The following FMN2 variants were observed in gnomAD, a reference collection of about 807,000 sequenced individuals.
The protein encoded by FMN2 is formin 2, also known as formin-2.
Under a neutral mutation model 142.3 loss-of-function variants are expected in FMN2, and 51 were observed. That is an observed-to-expected ratio of 0.36 (90% CI 0.29 to 0.45). The LOEUF (loss-of-function observed/expected upper bound fraction) is 0.45. FMN2 is among the 20% of genes least tolerant of loss of function. FMN2 has a pLI of 1.00. For synonymous variants in FMN2, 882 were observed against 869.8 expected, an observed-to-expected ratio of 1.01 and a Z score of -0.25; for missense variants, 1,936 against 2,122.8, an observed-to-expected ratio of 0.91 and a Z score of 1.73.
chr1:240,340,224 G>A lies in FMN2; in HGVS notation c.4765+5995G>A, dbSNP rs568964128. The stretch of plus-strand genomic sequence containing the variant: ...AAATAATTACTGTGCTATCATTGTT[G>A]CATCTTATATTCCTCCCCCCTCCAC... On this transcript the variant is annotated intron_variant, in intron 13 of 17. Coordinates refer to ENST00000319653, the MANE Select transcript of FMN2 (RefSeq NM_020066.5). 5.3e-5 allele frequency among the ~76,000 whole-genome samples: 8 copies of A among 152,084 alleles called. No homozygotes were observed. The East Asian group carries it at 1.4e-3, about 26-fold the overall frequency.
chr1:240,418,873 G>A (rs550616888), intron 15 of FMN2, among the ~76,000 whole-genome samples: 3 of 152,252 alleles, frequency 2.0e-5, no homozygotes, highest in Admixed American at 6.5e-5. Flanking sequence ...TTGGGAGGCC[G>A]AGGCAGGTGG....
At chr1:240,128,431 A>G (rs1662598604) in intron 2 of FMN2, among the ~76,000 whole-genome samples, 1 of 152,136 alleles carries the variant, frequency 6.6e-6, no homozygotes, top group African/African-American at 2.4e-5. Flanking sequence ...ACTTGACCCA[A>G]CCATTTTTGC....
At chr1:240,217,711 A>G (rs1666956502) in intron 6 of FMN2, among the ~76,000 whole-genome samples, 1 of 152,048 alleles carries the variant, frequency 6.6e-6, no homozygotes, top group Admixed American at 6.6e-5. Flanking sequence ...AGCATACCCA[A>G]TCAATTCAAG....
At chr1:240,219,814 C>T (rs575600976) in intron 6 of FMN2, among the ~76,000 whole-genome samples, 1 of 151,954 alleles carries the variant, frequency 6.6e-6, no homozygotes, top group Non-Finnish European at 1.5e-5. Context: ...GCCACCGAGC[C>T]TGGCTAACTT....
intron 7 of FMN2, among the ~76,000 whole-genome samples, chr1:240,277,301 T>A (rs1669246934): frequency 6.6e-6 from 1 of 152,102 alleles, no homozygotes; most frequent in African/African-American, 2.4e-5. Flanking sequence ...TAGAAAAATA[T>A]ATTTCTTCTA....
At chr1:240,226,997 AG>A (rs1179922483) in intron 6 of FMN2, among the ~76,000 whole-genome samples, 1 of 152,204 alleles carries the variant, frequency 6.6e-6, no homozygotes, top group Non-Finnish European at 1.5e-5. Context: ...GTTCTAGTCA[AG>A]GCAATTAGGC....
chr1:240,405,849 G>T (rs1018415648), intron 15 of FMN2, among the ~76,000 whole-genome samples: 9 of 152,180 alleles, frequency 5.9e-5, no homozygotes, highest in Non-Finnish European at 1.0e-4. Flanking sequence ...TCAGAAATCA[G>T]CTTTAGAAGA....
Position 240,208,111 on chromosome 1 carries a change from C to A in FMN2, c.3299C>A (p.Pro1100His), listed in dbSNP as rs1666501348. 3.5e-6 allele frequency: 4 copies of A among 1,151,444 alleles called. No individual in the cohort carries two copies. The highest frequency in any genetic ancestry group is 5.0e-6 in the Non-Finnish European group (4 of 801,248). 71.3% of individuals were successfully genotyped at this position (1,151,444 alleles called of 1,614,324 possible). Residue 1100 changes from proline to histidine, a missense_variant, in exon 5 of 18, where the codon CCC becomes CAC. Transcript: ENST00000319653. ...CCCGGAGCGGGCATACCCCCTCCGCCCCCTCTACCCGGAGTGGGCATACCT... is the reference window on the plus strand; with the variant it reads ...CCCGGAGCGGGCATACCCCCTCCGCACCCTCTACCCGGAGTGGGCATACCT... The part of the protein sequence containing the change: ...PLPGAGIPPP[P>H]PLPGVGIPPP...
intron 16 of FMN2, among the ~76,000 whole-genome samples, chr1:240,463,416 C>T (rs1427759486): frequency 1.3e-5 from 2 of 152,252 alleles, no homozygotes; most frequent in East Asian, 1.9e-4. Flanking sequence ...AACCAAGGCC[C>T]AGGTGGGTGA....
chr1:240,334,348 T>C, intron 13 of FMN2, 119 bp downstream of exon 13: 1 of 1,210,796 alleles, frequency 8.3e-7, no homozygotes, highest in Non-Finnish European at 1.1e-6. Flanking sequence ...TAAATTTGTG[T>C]GTGTGTGGCG....
At chr1:240,252,038 A>G (rs754647835) in intron 6 of FMN2, among the ~76,000 whole-genome samples, 4 of 152,110 alleles carry the variant, frequency 2.6e-5, no homozygotes, top group Non-Finnish European at 4.4e-5. Flanking sequence ...CCTTCCAAGT[A>G]GCTGGGATTA....
At chr1:240,152,306 T>TAA (rs5782121) in intron 2 of FMN2, among the ~76,000 whole-genome samples, 27 of 146,000 alleles carry the variant, frequency 1.8e-4, no homozygotes, top group East Asian at 4.0e-4. Context: ...CGAGCTCATT[T>TAA]AAAAAAAAAA....
intron 2 of FMN2, among the ~76,000 whole-genome samples, chr1:240,142,360 C>T (rs962580639): frequency 2.6e-5 from 4 of 152,034 alleles, no homozygotes; most frequent in African/African-American, 9.7e-5. Context: ...TGAAAGTTAC[C>T]TCAGGTTTTG....
intron 2 of FMN2, chr1:240,154,846 C>CCTTCCTTCCTTCCTTCCTTCCTTCCT (rs1558325359): frequency 5.8e-4 from 47 of 81,310 alleles, no homozygotes; most frequent in African/African-American, 2.0e-3. Context: ...CCTTCCTTCC[C>CCTTCCTTCCTTCCTTCCTTCCTTCCT]TCCCTCCCTC....
chr1:240,394,693 C>T (rs930849012), intron 15 of FMN2, among the ~76,000 whole-genome samples: 2 of 152,082 alleles, frequency 1.3e-5, no homozygotes, highest in African/African-American at 4.8e-5. Context: ...CAGGGTCGGG[C>T]GTGGTGGCTC....
chr1:240,367,593 C>A (rs1372328090), intron 14 of FMN2, among the ~76,000 whole-genome samples: 4 of 151,470 alleles, frequency 2.6e-5, no homozygotes, highest in Non-Finnish European at 5.9e-5. Context: ...ACGGTGAAAC[C>A]CCATCTCTAC....
intron 15 of FMN2, among the ~76,000 whole-genome samples, chr1:240,419,249 T>C (rs746940270): frequency 2.6e-5 from 4 of 151,768 alleles, no homozygotes; most frequent in Non-Finnish European, 5.9e-5. Flanking sequence ...TTCATCTTCC[T>C]GGTTAACCTA....
intron 2 of FMN2, among the ~76,000 whole-genome samples, chr1:240,149,374 C>T (rs140058112): frequency 2.0e-4 from 30 of 152,288 alleles, no homozygotes; most frequent in Non-Finnish European, 3.7e-4. Flanking sequence ...TTTAGGTGCA[C>T]CTCATATGTG....
At position 240,143,110 on chromosome 1, in the gene FMN2, C is replaced by T. The variant is rs577610834; in HGVS notation, c.1782+19765C>T. On this transcript the variant is annotated intron_variant, in intron 2 of 17. Transcript: ENST00000319653. The stretch of plus-strand genomic sequence containing the variant: ...TGTGTCAGGCCCTGTGCCAAGTGCA[C>T]CATGAAGAGGTCGTTGGGGTCCTTG... 3.4e-5 allele frequency: 53 copies of T among 1,544,422 alleles called. 1 individual carries two copies. Among genetic ancestry groups the T allele is most frequent in the Non-Finnish European group, 4.7e-5 (53 of 1,119,512 alleles).
Sources: allele counts gnomAD v4.1 joint callset (sites outside exome capture counted in the v4.1 genomes callset), GRCh38; gene constraint gnomAD v4.1.1; transcripts MANE v1.5; gene names NCBI Gene and HGNC (gene_info 2026-07-23, HGNC 2026-07-21).